EYA1: variants seen among roughly 807,000 people sequenced by gnomAD.
EYA1 encodes the protein EYA transcriptional coactivator and phosphatase 1, also known as protein phosphatase EYA1.
EYA1 carries 16 observed loss-of-function variants against 82.0 expected under a neutral mutation model. That is an observed-to-expected ratio of 0.20 (90% CI 0.13 to 0.30). EYA1 has a LOEUF of 0.30. Among genes scored for constraint, EYA1 ranks in the 10% least tolerant of loss-of-function variants. EYA1 has a pLI of 1.00. For missense variants in EYA1, 633 were observed against 730.7 expected (o/e 0.87, Z 1.54); for synonymous variants, 261 against 264.4 (o/e 0.99, Z 0.12).
intron 12 of EYA1, among the ~76,000 whole-genome samples, chr8:71,235,917 T>C (rs1183721469): frequency 2.6e-5 from 4 of 152,238 alleles, no homozygotes; most frequent in Non-Finnish European, 5.9e-5. Flanking sequence ...ATCAGGATTA[T>C]ATACTATCAT....
At chr8:71,356,536 G>C in intron 1 of EYA1, 25 bp from the exon 2 acceptor site, 1 of 1,556,232 alleles carries the variant, frequency 6.4e-7, no homozygotes, top group Non-Finnish European at 8.7e-7. Flanking sequence ...AAAAAAATTA[G>C]AAGATGTTGT....
At chr8:71,429,377 A>G (rs1349418643) in intron 2 of EYA1, among the ~76,000 whole-genome samples, 2 of 152,208 alleles carry the variant, frequency 1.3e-5, no homozygotes, top group Non-Finnish European at 2.9e-5. Flanking sequence ...TTCAAAAAAT[A>G]TATTTTTAAG....
intron 1 of EYA1, among the ~76,000 whole-genome samples, chr8:71,357,040 T>C (rs1826955918): frequency 6.6e-6 from 1 of 152,204 alleles, no homozygotes; most frequent in Admixed American, 6.5e-5. Context: ...TTACTATTTG[T>C]CATTTAACAT....
chr8:71,250,652 T>A (rs1288474370), intron 11 of EYA1, among the ~76,000 whole-genome samples: 2 of 152,236 alleles, frequency 1.3e-5, no homozygotes, highest in African/African-American at 2.4e-5. Flanking sequence ...TGTTTCTATT[T>A]CGTGTAGAAT....
chr8:71,339,292 C>CT (rs1016757135), intron 3 of EYA1, among the ~76,000 whole-genome samples: 16 of 152,272 alleles, frequency 1.1e-4, no homozygotes, highest in Admixed American at 2.0e-4. Flanking sequence ...CCTAGCATCT[C>CT]TTTTTGCCAA....
chr8:71,393,922 C>T (rs969441979), intron 2 of EYA1, among the ~76,000 whole-genome samples: 2 of 152,136 alleles, frequency 1.3e-5, no homozygotes, highest in African/African-American at 4.8e-5. Context: ...AGTGTAAAAG[C>T]ATTCCTATTT....
chr8:71,405,156 C>T (rs533865847), intron 2 of EYA1, among the ~76,000 whole-genome samples: 1 of 152,108 alleles, frequency 6.6e-6, no homozygotes, highest in Admixed American at 6.5e-5. Context: ...GTAAATATGT[C>T]CCCTCTTCTA....
intron 2 of EYA1, among the ~76,000 whole-genome samples, chr8:71,442,270 T>C (rs549406153): frequency 8.5e-5 from 13 of 152,378 alleles, no homozygotes; most frequent in African/African-American, 3.1e-4. Context: ...AGGACTGGAC[T>C]GAACCATTAA....
At chr8:71,480,897 AG>A (rs1476705717) in intron 2 of EYA1, among the ~76,000 whole-genome samples, 4 of 152,160 alleles carry the variant, frequency 2.6e-5, no homozygotes, top group Non-Finnish European at 5.9e-5. Flanking sequence ...AATTCCTTTG[AG>A]GTGAAAATGG....
upstream of EYA1, among the ~76,000 whole-genome samples, chr8:71,367,112 T>C (rs577625067): frequency 5.3e-5 from 8 of 152,258 alleles, no homozygotes; most frequent in South Asian, 1.7e-3. Context: ...TTTTTTCTCC[T>C]TACATATTCA....
intron 12 of EYA1, among the ~76,000 whole-genome samples, chr8:71,231,389 A>G (rs1045575722): frequency 6.6e-6 from 1 of 152,120 alleles, no homozygotes; most frequent in Non-Finnish European, 1.5e-5. Context: ...TCATCTCACA[A>G]GCACTCTCTG....
In EYA1 at chr8:71,509,086, G is replaced by T. The variant is rs1812407528; in HGVS notation, c.33+26658C>A. 4.6e-5 allele frequency among the ~76,000 whole-genome samples: 7 copies of T among 152,070 alleles called. No homozygotes were observed. The South Asian group carries it at 1.5e-3, about 32-fold the overall frequency. On this transcript the variant is annotated intron_variant, in intron 2 of 18. Transcript: ENST00000643681. Reference sequence around the variant, plus strand: ...AAAATACAAAAATTAGCCAGGGGTGGTGGTGCCTGCTGTGGTCCCAGTTAC... The same window carrying T: ...AAAATACAAAAATTAGCCAGGGGTGTTGGTGCCTGCTGTGGTCCCAGTTAC...
chr8:71,507,087 T>C (rs1010979134), intron 2 of EYA1, among the ~76,000 whole-genome samples: 2 of 152,126 alleles, frequency 1.3e-5, no homozygotes, highest in African/African-American at 4.8e-5. Flanking sequence ...ACAATAACAA[T>C]AGCCTAAACG....
chr8:71,468,366 A>G (rs1217278021), intron 2 of EYA1, among the ~76,000 whole-genome samples: 1 of 152,110 alleles, frequency 6.6e-6, no homozygotes, highest in Non-Finnish European at 1.5e-5. Flanking sequence ...TTGCAATTAC[A>G]GGCCTGTGGA....
chr8:71,396,504 T>C (rs1829625250), intron 2 of EYA1, among the ~76,000 whole-genome samples: 1 of 152,230 alleles, frequency 6.6e-6, no homozygotes, highest in Non-Finnish European at 1.5e-5. Context: ...TTTGTTCTCA[T>C]TGGTTTCAAA....
intron 3 of EYA1, among the ~76,000 whole-genome samples, chr8:71,348,491 A>G (rs1363023871): frequency 6.6e-6 from 1 of 152,224 alleles, no homozygotes; most frequent in African/African-American, 2.4e-5. Context: ...TCTCTGCACT[A>G]TTAGCAATTG....
chr8:71,543,260 A>T (rs868684033), intron 1 of EYA1, among the ~76,000 whole-genome samples: 6 of 152,336 alleles, frequency 3.9e-5, no homozygotes, highest in African/African-American at 1.4e-4. Flanking sequence ...CAACTTGTCC[A>T]TGATGGAAAG....
chr8:71,213,168 A>G (rs766984371), intron 16 of EYA1, among the ~76,000 whole-genome samples: 2 of 151,958 alleles, frequency 1.3e-5, no homozygotes, highest in Non-Finnish European at 2.9e-5. Flanking sequence ...TTTTTTCTGT[A>G]TTGAAAAAAA....
At chr8:71,519,272 C>A (rs1178167567) in intron 2 of EYA1, among the ~76,000 whole-genome samples, 1 of 152,146 alleles carries the variant, frequency 6.6e-6, no homozygotes, top group Admixed American at 6.5e-5. Context: ...TTTTAACAGA[C>A]AAACATGAAA....
Sources: allele counts gnomAD v4.1 joint callset (sites outside exome capture counted in the v4.1 genomes callset), GRCh38; gene constraint gnomAD v4.1.1; transcripts MANE v1.5; gene names NCBI Gene and HGNC (gene_info 2026-07-23, HGNC 2026-07-21).